RFPL2: variants seen among roughly 807,000 people sequenced by gnomAD.
RFPL2 encodes the protein ret finger protein-like 2.
RFPL2 carries 13 observed loss-of-function variants against 17.8 expected under a neutral mutation model. That is an observed-to-expected ratio of 0.73 (90% CI 0.47 to 1.16). The LOEUF (loss-of-function observed/expected upper bound fraction) is 1.16. Ranked by LOEUF, RFPL2 falls within the 50% of genes most tolerant of loss-of-function variation. The probability of loss-of-function intolerance (pLI) is 0.00; values close to 1 mark genes in which losing one functional copy is unlikely to be tolerated. For synonymous variants in RFPL2, 189 were observed against 180.9 expected (o/e 1.04, Z -0.36); for missense variants, 431 against 479.3 (o/e 0.90, Z 0.94).
intron 1 of RFPL2, among the ~76,000 whole-genome samples, chr22:32,204,024 C>G (rs1379510387): frequency 1.3e-5 from 2 of 150,358 alleles, no homozygotes; most frequent in South Asian, 2.1e-4. Context: ...CTCCTCCCAC[C>G]GAGTCAACCA....
In RFPL2 at chr22:32,197,640, G is replaced by A. The variant is rs546740956; in HGVS notation, c.120-3150C>T. ...TTCTCATTGTTCAAATCCCACCTAC[G>A]AGTGAGAACATGCAGTGTTTGGTTT... is the stretch of plus-strand genomic sequence containing the variant. On this transcript the variant is annotated intron_variant, in intron 2 of 4. Transcript: ENST00000652607. Among the ~76,000 whole-genome samples the A allele has an allele frequency of 2.6e-5, 4 of 152,176 alleles. No individual in the cohort carries two copies. The South Asian group carries it at 6.2e-4, about 24-fold the overall frequency.
intron 1 of RFPL2, among the ~76,000 whole-genome samples, chr22:32,204,152 C>T (rs1424481756): frequency 7.9e-6 from 1 of 126,108 alleles, no homozygotes; most frequent in Non-Finnish European, 1.6e-5. Flanking sequence ...GCCCCGATAA[C>T]GCCCCAACAC....
intron 2 of RFPL2, chr22:32,200,271 C>A: frequency 7.9e-6 from 2 of 252,924 alleles, no homozygotes; most frequent in South Asian, 9.2e-5. Flanking sequence ...GGGCCTGGAG[C>A]TGCAGGATCC....
At chr22:32,203,076 G>A in intron 1 of RFPL2, 1 of 985,756 alleles carries the variant, frequency 1.0e-6, no homozygotes, top group African/African-American at 1.7e-5. Context: ...GCAGACCACC[G>A]CTGTCACTGA....
intron 2 of RFPL2, among the ~76,000 whole-genome samples, chr22:32,196,096 A>T (rs779570473): frequency 1.2e-4 from 18 of 152,098 alleles, no homozygotes; most frequent in Non-Finnish European, 2.2e-4. Context: ...TTTACCTCCC[A>T]TATAGGAGTG....
intron 2 of RFPL2, chr22:32,200,127 C>T (rs1185398134): frequency 3.8e-5 from 15 of 391,516 alleles, no homozygotes; most frequent in Non-Finnish European, 7.1e-5. Context: ...CAGAAGCGAC[C>T]TGAGCCTGAC....
intron 2 of RFPL2, among the ~76,000 whole-genome samples, chr22:32,197,399 CT>C (rs898047894): frequency 1.3e-4 from 19 of 149,950 alleles, no homozygotes; most frequent in African/African-American, 3.9e-4. Flanking sequence ...TTTTTTTTTT[CT>C]TTTTTTTTAC....
In RFPL2 at chr22:32,190,964, C is replaced by T. The variant is rs1379642548; in HGVS notation, c.945G>A (p.Gln315=). 2 of 1,607,344 alleles carry T rather than the reference C, an allele frequency of 1.2e-6. No individual in the cohort carries two copies. Among genetic ancestry groups the T allele is most frequent in the Non-Finnish European group, 1.7e-6 (2 of 1,175,958 alleles). The change falls in exon 5 of 5, where the codon CAG becomes CAA. Residue 315 remains glutamine (Q), a synonymous_variant. Transcript: ENST00000652607. The stretch of plus-strand genomic sequence containing the variant: ...TTTCAGCATCAAAAAAGGAAACGTT[C>T]TGCATGCCCATATCCAGAAAAATCC... ...RVGIFLDMGM[Q]NVSFFDAESG...
Position 32,204,928 on chromosome 22 carries a change from G to A in RFPL2, c.-321C>T, listed in dbSNP as rs16990001. Among the ~76,000 whole-genome samples, 21,359 of 152,252 alleles carry A rather than the reference G, an allele frequency of 0.14. 1,692 individuals carry two copies. Among genetic ancestry groups the A allele is most frequent in the Non-Finnish European group, 0.16 (10,566 of 68,016 alleles). On this transcript the variant is annotated 5_prime_UTR_variant, in exon 1 of 5. Coordinates refer to ENST00000652607, the MANE Select transcript of RFPL2 (RefSeq NM_001394555.1). ...CAATCAGAACAAGATAACAAAGCCC[G>A]ATCAGAGTAGGCCTAGAGGTTTCTC...
intron 2 of RFPL2, 45 bp from the exon 3 acceptor site, chr22:32,194,535 T>G: frequency 6.4e-7 from 1 of 1,553,848 alleles, no homozygotes; most frequent in Non-Finnish European, 8.8e-7. Flanking sequence ...ACTGGTGATA[T>G]ATCTCCAGTT....
intron 3 of RFPL2, among the ~76,000 whole-genome samples, chr22:32,194,091 A>G (rs573206479): frequency 6.6e-6 from 1 of 151,638 alleles, no homozygotes; most frequent in East Asian, 1.9e-4. Flanking sequence ...CCGTCTCACC[A>G]AAAAATAAAA....
intron 2 of RFPL2, among the ~76,000 whole-genome samples, chr22:32,196,116 G>A (rs569197398): frequency 2.0e-5 from 3 of 152,178 alleles, no homozygotes; most frequent in South Asian, 2.1e-4. Flanking sequence ...GAGAACATGC[G>A]GTATTTATCT....
intron 4 of RFPL2, 26 bp downstream of exon 4, chr22:32,192,876 G>T: frequency 6.4e-7 from 1 of 1,574,550 alleles, no homozygotes; most frequent in Non-Finnish European, 8.6e-7. Context: ...GTCTTGGGAA[G>T]GGGGCAGGGT....
intron 2 of RFPL2, among the ~76,000 whole-genome samples, chr22:32,197,837 T>C (rs929009362): frequency 2.0e-5 from 3 of 152,192 alleles, no homozygotes; most frequent in Non-Finnish European, 2.9e-5. Context: ...AAGTGGGATT[T>C]AGAGATCACA....
intron 1 of RFPL2, chr22:32,203,054 C>G (rs1261882933): frequency 6.1e-6 from 6 of 985,624 alleles, no homozygotes; most frequent in Non-Finnish European, 7.2e-6. Context: ...AGAGGAGGAC[C>G]GCTCCTCTCT....
intron 2 of RFPL2, among the ~76,000 whole-genome samples, chr22:32,199,667 G>T (rs1290858327): frequency 6.6e-6 from 1 of 152,204 alleles, no homozygotes; most frequent in Non-Finnish European, 1.5e-5. Context: ...AGGGTCTGTT[G>T]TCTGTACAAA....
chr22:32,193,242 C>A (rs1922910383), intron 3 of RFPL2, 50 bp from the exon 4 acceptor site: 1 of 1,613,814 alleles, frequency 6.2e-7, no homozygotes. Flanking sequence ...GAGGTGAAAG[C>A]CTGTTAGTTG....
rs1263822439 is a variant in RFPL2, at chr22:32,204,931, C to A, written c.-324G>T. Reference sequence around the variant, plus strand: ...TCAGAACAAGATAACAAAGCCCGATCAGAGTAGGCCTAGAGGTTTCTCTCA... The same window carrying A: ...TCAGAACAAGATAACAAAGCCCGATAAGAGTAGGCCTAGAGGTTTCTCTCA... On this transcript the variant is annotated 5_prime_UTR_variant, in exon 1 of 5. Transcript: ENST00000652607. Among the ~76,000 whole-genome samples, 1 of 152,242 alleles carries A rather than the reference C, an allele frequency of 6.6e-6. No individual in the cohort carries two copies. Among genetic ancestry groups the A allele is most frequent in the East Asian group, 1.9e-4 (1 of 5,194 alleles).
At chr22:32,192,837 C>T (rs1335232539) in intron 4 of RFPL2, 65 bp downstream of exon 4, 7 of 1,535,884 alleles carry the variant, frequency 4.6e-6, no homozygotes, top group Non-Finnish European at 5.3e-6. Flanking sequence ...AATGAGGGGC[C>T]AACTGCACAA....
Sources: allele counts gnomAD v4.1 joint callset (sites outside exome capture counted in the v4.1 genomes callset), GRCh38; gene constraint gnomAD v4.1.1; transcripts MANE v1.5; gene names NCBI Gene and HGNC (gene_info 2026-07-23, HGNC 2026-07-21).